The following ARHGAP40 variants were observed in gnomAD, a reference collection of about 807,000 sequenced individuals.
ARHGAP40 encodes rho GTPase-activating protein 40.
A neutral mutation model predicts 73.5 loss-of-function variants in ARHGAP40; 43 were observed. The observed-to-expected ratio is 0.58, with a 90% CI of 0.46 to 0.75. ARHGAP40 has a LOEUF of 0.75. ARHGAP40 is among the 30% of genes least tolerant of loss of function. The pLI is 0.00. For missense variants in ARHGAP40, 734 were observed against 861.8 expected, an observed-to-expected ratio of 0.85 and a Z score of 1.86; for synonymous variants, 300 against 352.8, an observed-to-expected ratio of 0.85 and a Z score of 1.68.
chr20:38,606,947 TG>T (rs952502815), intron 1 of ARHGAP40, among the ~76,000 whole-genome samples: 13 of 152,226 alleles, frequency 8.5e-5, no homozygotes, highest in African/African-American at 3.1e-4. Context: ...TGTGGACCTC[TG>T]GGGAAGTTAC....
rs201769859 is a variant in ARHGAP40 at position 38,647,337 on chromosome 20, TA to T, written c.1880+212del. Among the ~76,000 whole-genome samples, 570 of 152,164 alleles carry T rather than the reference TA, an allele frequency of 3.7e-3. 4 individuals are homozygous for T. The highest frequency in any genetic ancestry group is 0.013 in the African/African-American group (547 of 41,472). On this transcript the variant is annotated intron_variant, in intron 13 of 14. Coordinates refer to ENST00000373345, the Ensembl canonical transcript of ARHGAP40. The stretch of plus-strand genomic sequence containing the variant: ...CCACTCACTCATTCACTTTAATAGG[TA>T]TTTAATGAATGCCTACCACCAGGCA...
chr20:38,624,626 C>T (rs1189281362), intron 2 of ARHGAP40, among the ~76,000 whole-genome samples: 2 of 123,966 alleles, frequency 1.6e-5, no homozygotes, highest in African/African-American at 7.3e-5. Flanking sequence ...ACCCTAAAAG[C>T]ACTTTCCTGC....
chr20:38,637,441 ACCCGG>A lies in ARHGAP40; in HGVS notation c.950-263_950-259del, dbSNP rs531491914. On this transcript the variant is annotated intron_variant, in intron 6 of 14. Coordinates refer to ENST00000373345, the Ensembl canonical transcript of ARHGAP40. ...TGGGATTACAGGCTTGAGCCACTGC[ACCCGG>A]CCCTTTCAATACTTCTTTAACCAGC... Among the ~76,000 whole-genome samples, 281 of 152,074 alleles carry A rather than the reference ACCCGG, an allele frequency of 1.8e-3. 1 individual carries two copies. The highest frequency in any genetic ancestry group is 3.5e-3 in the Admixed American group (53 of 15,280).
chr20:38,620,113 A>T (rs2088866423), intron 1 of ARHGAP40, among the ~76,000 whole-genome samples: 1 of 152,260 alleles, frequency 6.6e-6, no homozygotes, highest in Non-Finnish European at 1.5e-5. Context: ...CTGGGCATGT[A>T]GTAGGTATTC....
At chr20:38,644,661 A>G (rs1306113426) in intron 11 of ARHGAP40, among the ~76,000 whole-genome samples, 1 of 90,320 alleles carries the variant, frequency 1.1e-5, no homozygotes, top group Admixed American at 1.7e-4. Flanking sequence ...CCATCTACTT[A>G]CCCACCCATC....
At chr20:38,649,945 A>G in exon 15 of ARHGAP40, 2 of 940,264 alleles carry the variant, frequency 2.1e-6, no homozygotes, top group Non-Finnish European at 3.0e-6. Context: ...ATTCCAGGGG[A>G]GGGTCTGAGT....
At chr20:38,612,899 G>A (rs1380372793) in intron 1 of ARHGAP40, among the ~76,000 whole-genome samples, 2 of 152,140 alleles carry the variant, frequency 1.3e-5, no homozygotes, top group Non-Finnish European at 2.9e-5. Context: ...CTTGTTCGAA[G>A]GAAGGATCAG....
chr20:38,615,849 C>G (rs1424848962), intron 1 of ARHGAP40, among the ~76,000 whole-genome samples: 1 of 152,188 alleles, frequency 6.6e-6, no homozygotes, highest in African/African-American at 2.4e-5. Flanking sequence ...AATCATTTCC[C>G]TAAGCGACGA....
chr20:38,646,384 G>A lies in ARHGAP40; in HGVS notation c.1710+197G>A, dbSNP rs540292728. 5.3e-4 allele frequency among the ~76,000 whole-genome samples: 81 copies of A among 152,328 alleles called. 1 individual carries two copies. Among genetic ancestry groups the A allele is most frequent in the Middle Eastern group, 6.8e-3 (2 of 294 alleles). ...CGAAACGAGGGCTTAGAAGCGGGTT[G>A]GGGAGGGGAAATGGAGTGACTCGGA... On this transcript the variant is annotated intron_variant, in intron 12 of 14. Transcript: ENST00000373345. The surrounding 1 kb of genome is among the most constrained non-coding windows in gnomAD (Gnocchi z 4.5).
At chr20:38,603,256 AGGG>A (rs759158158) in intron 1 of ARHGAP40, among the ~76,000 whole-genome samples, 2 of 152,198 alleles carry the variant, frequency 1.3e-5, no homozygotes, top group Non-Finnish European at 1.5e-5. Context: ...CAGGAAAGGG[AGGG>A]GGAGCTTAGT....
Position 38,628,953 on chromosome 20 carries a change from C to T in ARHGAP40, c.585C>T (p.Ser195=), listed in dbSNP as rs1362393154. Residue 195 remains serine (S), a synonymous_variant, in exon 4 of 15, where the codon TCC becomes TCT. Coordinates refer to ENST00000373345, the Ensembl canonical transcript of ARHGAP40. ...AAATGTCGTCAGAGAATGGCGACTC[C>T]GGTATGAAGGGGGCCCAGCTCAGTT... The T allele has an allele frequency of 2.0e-5, 26 of 1,304,786 alleles. No homozygotes were observed. In the Admixed American group the frequency reaches 5.1e-4, roughly 25 times the overall value. The allele number at this position is 1,304,786 out of a possible 1,614,324, so 80.8% of individuals were successfully genotyped here. A position where few individuals can be genotyped will look rare whatever the true frequency, so the allele number is the denominator to read the frequency against.
At chr20:38,617,125 C>T (rs1192051898) in intron 1 of ARHGAP40, among the ~76,000 whole-genome samples, 2 of 152,166 alleles carry the variant, frequency 1.3e-5, no homozygotes, top group Admixed American at 6.5e-5. Context: ...AGCCAGGCCA[C>T]GCTCCCTGCC....
Position 38,629,982 on chromosome 20 carries a change from CAGAG to C in ARHGAP40, c.783+338_783+341del, listed in dbSNP as rs199524981. ...AAATTAATTTTAGTGCCTGGAGTGA[CAGAG>C]AGAGACCCAATATTTTAGTTCTGTT... On this transcript the variant is annotated intron_variant, in intron 5 of 14. Coordinates refer to ENST00000373345, the Ensembl canonical transcript of ARHGAP40. 9.1e-3 allele frequency among the ~76,000 whole-genome samples: 1,379 copies of C among 152,182 alleles called. 23 individuals are homozygous for C. Among genetic ancestry groups the C allele is most frequent in the African/African-American group, 0.031 (1,302 of 41,506 alleles).
In ARHGAP40 at chr20:38,639,395, G is replaced by A; in HGVS notation, c.1279+9G>A. 3.1e-6 allele frequency: 4 copies of A among 1,305,288 alleles called. No individual in the cohort carries two copies. In the South Asian group the frequency reaches 4.9e-5, roughly 16 times the overall value. 80.9% of individuals were successfully genotyped at this position (1,305,288 alleles called of 1,614,324 possible). A position where few individuals can be genotyped will look rare whatever the true frequency, so the allele number is the denominator to read the frequency against. On this transcript the variant is annotated intron_variant, in intron 9 of 14. Transcript: ENST00000373345. ...CTTCGCCGTGGTGCCTAGTGAGTGT[G>A]CCCAAGCCCTTAGCCTGTGCAGGGA...
In ARHGAP40 at chr20:38,634,610, C is replaced by G. The variant is rs1568609540; in HGVS notation, c.784-10C>G. The G allele has an allele frequency of 7.7e-7, 1 of 1,305,414 alleles. No homozygotes were observed. Among genetic ancestry groups the G allele is most frequent in the Non-Finnish European group, 1.0e-6 (1 of 988,938 alleles). 80.9% of individuals were successfully genotyped at this position (1,305,414 alleles called of 1,614,324 possible). A position where few individuals can be genotyped will look rare whatever the true frequency, so the allele number is the denominator to read the frequency against. On this transcript the variant is annotated splice_polypyrimidine_tract_variant and intron_variant, in intron 5 of 14. Transcript: ENST00000373345. ...TGACAAATTGTCTTTACTTCCCTCT[C>G]TATTAATAGAAGTTTACCGTCCCCA...
At chr20:38,630,323 T>C (rs554621467) in intron 5 of ARHGAP40, among the ~76,000 whole-genome samples, 8 of 151,774 alleles carry the variant, frequency 5.3e-5, no homozygotes, top group Non-Finnish European at 1.2e-4. Flanking sequence ...AGGCTCAAGC[T>C]ATCCTTACAC....
chr20:38,613,680 A>C (rs13045203), intron 1 of ARHGAP40, among the ~76,000 whole-genome samples: 1 of 152,352 alleles, frequency 6.6e-6, no homozygotes, highest in Admixed American at 6.5e-5. Flanking sequence ...CAACTTGAAC[A>C]GCTAAAGGGG....
intron 1 of ARHGAP40, among the ~76,000 whole-genome samples, chr20:38,609,675 G>A (rs1029983438): frequency 1.3e-5 from 2 of 152,212 alleles, no homozygotes; most frequent in African/African-American, 4.8e-5. Context: ...GAGTCCCAAA[G>A]TAGGCACTGA....
At chr20:38,637,638 A>T in intron 6 of ARHGAP40, 70 bp from the exon 7 acceptor site, 1 of 1,191,982 alleles carries the variant, frequency 8.4e-7, no homozygotes, top group Non-Finnish European at 1.1e-6. Context: ...TGCCCAGGAG[A>T]TCCTGTAGGT....
Sources: gnomAD v4.1 joint callset for allele counts (sites outside exome capture counted in the v4.1 genomes callset) on GRCh38, gnomAD v4.1.1 for gene constraint, Gnocchi (gnomAD v3.1) non-coding constraint, MANE v1.5 for transcripts, NCBI Gene and HGNC (gene_info 2026-07-23, HGNC 2026-07-21) for gene names.